COG6: variants seen among roughly 807,000 people sequenced by gnomAD.
COG6 encodes the protein component of oligomeric golgi complex 6.
COG6 carries 74 observed loss-of-function variants against 88.8 expected under a neutral mutation model. The ratio of observed to expected loss-of-function variants is 0.83; its 90% CI spans 0.69 to 1.01. COG6 has a LOEUF of 1.01. COG6 is among the 50% of genes least tolerant of loss of function. COG6 has a pLI of 0.00. For missense variants in COG6, 800 were observed against 797.9 expected (o/e 1.00, Z -0.03); for synonymous variants, 286 against 278.7 (o/e 1.03, Z -0.26).
intron 18 of COG6, among the ~76,000 whole-genome samples, chr13:39,784,983 G>T (rs1427153139): frequency 6.6e-6 from 1 of 152,162 alleles, no homozygotes; most frequent in Non-Finnish European, 1.5e-5. Context: ...GAACTGCCAG[G>T]GACTAGGCAG....
At position 39,719,708 on chromosome 13, in the gene COG6, G is replaced by A; in HGVS notation, c.1465G>A (p.Ala489Thr). ...TCTCCTACAGATGTGTACTGTATCA[G>A]CCAGCAATTTAGGCACAGCTGACAT... ...DPLLQMCTVSASNLGTADMAT... is the reference protein window; with the variant it reads ...DPLLQMCTVSTSNLGTADMAT... The change falls in exon 15 of 19, where the codon GCC becomes ACC. Residue 489 changes from alanine to threonine, a missense_variant. Physicochemically the swap from Ala to Thr is moderately conservative, Grantham distance 58. Coordinates refer to ENST00000455146, the MANE Select transcript of COG6 (RefSeq NM_020751.3). The A allele has an allele frequency of 6.2e-7, 1 of 1,612,894 alleles. No homozygotes were observed. The highest frequency in any genetic ancestry group is 8.5e-7 in the Non-Finnish European group (1 of 1,179,226).
intron 12 of COG6, among the ~76,000 whole-genome samples, chr13:39,695,998 A>G (rs1309323209): frequency 6.6e-6 from 1 of 151,992 alleles, no homozygotes; most frequent in Admixed American, 6.6e-5. Flanking sequence ...ATGGGACTAC[A>G]TGAAATTTAT....
chr13:39,685,806 T>C (rs934504694), intron 8 of COG6, among the ~76,000 whole-genome samples: 6 of 152,172 alleles, frequency 3.9e-5, no homozygotes, highest in Non-Finnish European at 8.8e-5. Flanking sequence ...GTTTAAAAAA[T>C]AGTAAATGCA....
At position 39,660,885 on chromosome 13, in the gene COG6, T is replaced by C. The variant is rs963188886; in HGVS notation, c.369+4T>C. ...AGATATGACAAGTCGCCTACAGGTATTATATAATGGCTAGATTTTGGCATA... is the reference window on the plus strand; with the variant it reads ...AGATATGACAAGTCGCCTACAGGTACTATATAATGGCTAGATTTTGGCATA... On this transcript the variant is annotated splice_donor_region_variant and intron_variant, in intron 3 of 18. Coordinates refer to ENST00000455146, the MANE Select transcript of COG6 (RefSeq NM_020751.3). 18 of 1,558,856 alleles carry C rather than the reference T, an allele frequency of 1.2e-5. No individual in the cohort carries two copies. The highest frequency in any genetic ancestry group is 1.5e-5 in the Non-Finnish European group (17 of 1,131,092).
At chr13:39,657,806 T>A (rs2137937926) in intron 1 of COG6, among the ~76,000 whole-genome samples, 1 of 152,302 alleles carries the variant, frequency 6.6e-6, no homozygotes, top group African/African-American at 2.4e-5. Context: ...AAGAAAAATC[T>A]TGTACTTTCA....
chr13:39,783,968 G>T (rs1463401723), intron 18 of COG6, among the ~76,000 whole-genome samples: 2 of 152,182 alleles, frequency 1.3e-5, no homozygotes, highest in African/African-American at 2.4e-5. Context: ...AGCTAGGCTG[G>T]AAGTGGCCCC....
chr13:39,777,268 A>G (rs899239286), intron 18 of COG6, among the ~76,000 whole-genome samples: 5 of 152,274 alleles, frequency 3.3e-5, no homozygotes, highest in Admixed American at 1.3e-4. Context: ...CCTGGAGCAC[A>G]GAGGGGGGTG....
chr13:39,662,336 A>G (rs1473730732), intron 3 of COG6, among the ~76,000 whole-genome samples: 1 of 152,000 alleles, frequency 6.6e-6, no homozygotes, highest in Non-Finnish European at 1.5e-5. Context: ...CAGGTTGTCC[A>G]GGGTGGTCTC....
intron 12 of COG6, among the ~76,000 whole-genome samples, chr13:39,696,931 T>C (rs976392641): frequency 6.8e-6 from 1 of 147,900 alleles, no homozygotes; most frequent in African/African-American, 2.5e-5. Flanking sequence ...TGGAGATAAT[T>C]TATGTCACAG....
At chr13:39,760,698 G>C (rs1289671724) in intron 18 of COG6, among the ~76,000 whole-genome samples, 1 of 152,080 alleles carries the variant, frequency 6.6e-6, no homozygotes, top group Admixed American at 6.6e-5. Flanking sequence ...ATTAGCTCTA[G>C]TGTTGCTCTT....
intron 13 of COG6, among the ~76,000 whole-genome samples, chr13:39,707,557 A>G (rs976227193): frequency 1.3e-5 from 2 of 152,226 alleles, no homozygotes; most frequent in Non-Finnish European, 2.9e-5. Context: ...TTCAGAAGGC[A>G]TCCTCTTTCC....
chr13:39,737,213 T>C (rs1879807593), intron 18 of COG6, among the ~76,000 whole-genome samples: 1 of 150,904 alleles, frequency 6.6e-6, no homozygotes, highest in South Asian at 2.1e-4. Flanking sequence ...GCTGGGGGAG[T>C]GGTGATACAT....
intron 18 of COG6, among the ~76,000 whole-genome samples, chr13:39,729,136 G>C (rs1879298929): frequency 6.6e-6 from 1 of 152,200 alleles, no homozygotes; most frequent in South Asian, 2.1e-4. Flanking sequence ...TACTTTAAAA[G>C]ATGACATGTA....
intron 8 of COG6, among the ~76,000 whole-genome samples, chr13:39,685,727 C>T (rs1046155829): frequency 2.0e-5 from 3 of 152,106 alleles, no homozygotes; most frequent in Non-Finnish European, 2.9e-5. Context: ...AGGCATTCTT[C>T]ACACTAAATG....
At chr13:39,771,884 G>A (rs578057244) in intron 18 of COG6, among the ~76,000 whole-genome samples, 1 of 152,180 alleles carries the variant, frequency 6.6e-6, no homozygotes, top group African/African-American at 2.4e-5. Flanking sequence ...TTGGTGCTGG[G>A]GGGAAAAGCA....
chr13:39,788,673 A>G (rs1175997282), exon 19 of COG6: 4 of 318,258 alleles, frequency 1.3e-5, no homozygotes, highest in African/African-American at 8.4e-5. Flanking sequence ...GTAAACACCA[A>G]TTGTGTTGGC....
intron 13 of COG6, among the ~76,000 whole-genome samples, chr13:39,706,714 GT>G (rs1278280309): frequency 6.6e-6 from 1 of 152,086 alleles, no homozygotes; most frequent in Non-Finnish European, 1.5e-5. Flanking sequence ...GTCAGAGTCT[GT>G]CTCTGTCGTC....
intron 10 of COG6, 48 bp from the exon 11 acceptor site, chr13:39,689,712 A>G (rs1201026429): frequency 5.9e-6 from 8 of 1,348,808 alleles, no homozygotes; most frequent in Non-Finnish European, 8.4e-6. Context: ...TATATGAAGC[A>G]AAGTATAATA....
In COG6 at chr13:39,783,190, A is replaced by T. The variant is rs555565013; in HGVS notation, c.1827-5145A>T. Among the ~76,000 whole-genome samples the T allele has an allele frequency of 2.6e-5, 4 of 152,338 alleles. No individual in the cohort carries two copies. In the South Asian group the frequency reaches 8.3e-4, roughly 32 times the overall value. ...TCCTAGAGGTCTTACATATTTTCAA[A>T]TAACAAATAATAATTCATTCTCTTT... is the stretch of plus-strand genomic sequence containing the variant. On this transcript the variant is annotated intron_variant, in intron 18 of 18. Coordinates refer to the COG6 transcript ENST00000416691.
Sources: gnomAD v4.1 joint callset for allele counts (sites outside exome capture counted in the v4.1 genomes callset) on GRCh38, gnomAD v4.1.1 for gene constraint, MANE v1.5 for transcripts, NCBI Gene and HGNC (gene_info 2026-07-23, HGNC 2026-07-21) for gene names.